DDC: variants seen among roughly 807,000 people sequenced by gnomAD.
DDC encodes dopa decarboxylase, also known as aromatic-L-amino-acid decarboxylase.
DDC carries 43 observed loss-of-function variants against 60.0 expected under a neutral mutation model. The ratio of observed to expected loss-of-function variants is 0.72; its 90% confidence interval spans 0.56 to 0.92. DDC has a LOEUF of 0.92. Ranked by LOEUF, DDC falls within the 40% of genes least tolerant of loss-of-function variation. The probability of loss-of-function intolerance (pLI) is 0.00; values close to 1 mark genes in which losing one functional copy is unlikely to be tolerated. For missense variants in DDC, 573 were observed against 620.2 expected (o/e 0.92, Z 0.81); for synonymous variants, 232 against 234.6 (o/e 0.99, Z 0.10).
intron 11 of DDC, among the ~76,000 whole-genome samples, chr7:50,474,692 T>G (rs1443393143): frequency 6.6e-6 from 1 of 152,220 alleles, no homozygotes; most frequent in Non-Finnish European, 1.5e-5. Context: ...TGAAAGACAG[T>G]GCCAAGTTTA....
chr7:50,460,185 G>A (rs1470597162), intron 14 of DDC, among the ~76,000 whole-genome samples: 2 of 143,294 alleles, frequency 1.4e-5, no homozygotes, highest in Non-Finnish European at 3.1e-5. Context: ...GGAAGGAGGT[G>A]GGGGGGTCAG....
chr7:50,465,949 T>G (rs1464499628), intron 13 of DDC, among the ~76,000 whole-genome samples: 2 of 152,190 alleles, frequency 1.3e-5, no homozygotes, highest in African/African-American at 4.8e-5. Context: ...CTTTGTGCTC[T>G]TCCAAGGGCT....
intron 1 of DDC, among the ~76,000 whole-genome samples, chr7:50,553,823 A>C (rs560525495): frequency 6.6e-6 from 1 of 152,172 alleles, no homozygotes; most frequent in Non-Finnish European, 1.5e-5. Context: ...TGTGGGTTCA[A>C]AGACCATAAA....
intron 1 of DDC, among the ~76,000 whole-genome samples, chr7:50,546,738 T>A (rs1482010414): frequency 6.6e-6 from 1 of 152,260 alleles, no homozygotes; most frequent in Admixed American, 6.5e-5. Flanking sequence ...AGCCCCCATG[T>A]TAAAGCTATT....
chr7:50,478,691 A>C (rs1033475840), intron 10 of DDC, among the ~76,000 whole-genome samples: 4 of 152,220 alleles, frequency 2.6e-5, no homozygotes, highest in Non-Finnish European at 4.4e-5. Context: ...TTCCTCTGAC[A>C]ATGGTTTTAC....
chr7:50,464,119 GACTCCAT>G (rs1213369922), intron 13 of DDC, among the ~76,000 whole-genome samples: 1 of 151,868 alleles, frequency 6.6e-6, no homozygotes, highest in African/African-American at 2.4e-5. Flanking sequence ...TGCAGGCAGT[GACTCCAT>G]GTCTTCTAAG....
At chr7:50,483,238 C>T (rs1283022730) in intron 9 of DDC, among the ~76,000 whole-genome samples, 2 of 152,124 alleles carry the variant, frequency 1.3e-5, no homozygotes, top group East Asian at 3.8e-4. Context: ...TTATCTAATG[C>T]TTTTTCTGCA....
intron 9 of DDC, among the ~76,000 whole-genome samples, chr7:50,491,273 T>C (rs1382026737): frequency 1.3e-5 from 2 of 152,216 alleles, no homozygotes; most frequent in Non-Finnish European, 2.9e-5. Flanking sequence ...TAATACGGTT[T>C]ATGTCAGTTT....
chr7:50,542,741 T>C (rs1046004813), intron 2 of DDC: 2 of 152,278 alleles, frequency 1.3e-5, no homozygotes, highest in Non-Finnish European at 2.9e-5. Flanking sequence ...ACTTGCACAA[T>C]TTCTAGAAGA....
intron 10 of DDC, among the ~76,000 whole-genome samples, chr7:50,478,027 C>T (rs182309681): frequency 1.4e-5 from 2 of 139,948 alleles, no homozygotes; most frequent in South Asian, 2.4e-4. Flanking sequence ...CATGGTGAAA[C>T]CCCGTCTCTA....
rs542137064 is a variant in DDC at position 50,549,183 on chromosome 7, C to T, written c.-28-5070G>A. ...AAGGAAATTAATGTTTTCATTCCTG[C>T]TAACTCGACATCCATTCTACAGTCC... On this transcript the variant is annotated intron_variant, in intron 1 of 14. Coordinates refer to ENST00000444124, the MANE Select transcript of DDC (RefSeq NM_001082971.2). 2.0e-5 allele frequency among the ~76,000 whole-genome samples: 3 copies of T among 152,304 alleles called. No individual in the cohort carries two copies. In the East Asian group the frequency reaches 5.8e-4, roughly 29 times the overall value.
rs751278597 is a variant in DDC, at chr7:50,460,911, G to GCGGAAGGC, written c.*19-2076_*19-2069dup. Among the ~76,000 whole-genome samples the GCGGAAGGC allele has an allele frequency of 1.0e-3, 152 of 151,650 alleles. 1 individual carries two copies. The highest frequency in any genetic ancestry group is 1.8e-3 in the Non-Finnish European group (120 of 67,816). On this transcript the variant is annotated intron_variant, in intron 14 of 14. Transcript: ENST00000444124. ...TCAAGTACCCAGGGACACAAACACT[G>GCGGAAGGC]CGGAAGGCCGCAGGGTCCTCTGCAT...
At chr7:50,510,257 G>C (rs774999448) in intron 6 of DDC, among the ~76,000 whole-genome samples, 1 of 152,058 alleles carries the variant, frequency 6.6e-6, no homozygotes, top group African/African-American at 2.4e-5. Flanking sequence ...TTACAGGTGT[G>C]AGCCACCGCA....
At chr7:50,524,069 C>T (rs2043972614) in intron 6 of DDC, among the ~76,000 whole-genome samples, 1 of 152,146 alleles carries the variant, frequency 6.6e-6, no homozygotes, top group Non-Finnish European at 1.5e-5. Context: ...GAAAAGGCTA[C>T]ATATTGTATG....
rs112324638 is a variant in DDC at position 50,555,687 on chromosome 7, T to C, written c.-29+9598A>G. ...GAACTTACATGTGCCAAGAACCACG[T>C]TAAGCTCTTTGCCTGGTTCTCGTAT... is the stretch of plus-strand genomic sequence containing the variant. On this transcript the variant is annotated intron_variant, in intron 1 of 14. Coordinates refer to ENST00000444124, the MANE Select transcript of DDC (RefSeq NM_001082971.2). Among the ~76,000 whole-genome samples, 270 of 152,314 alleles carry C rather than the reference T, an allele frequency of 1.8e-3. 3 individuals carry two copies. The highest frequency in any genetic ancestry group is 6.2e-3 in the African/African-American group (256 of 41,562).
chr7:50,564,787 T>C (rs1166344038), intron 1 of DDC, among the ~76,000 whole-genome samples: 1 of 152,196 alleles, frequency 6.6e-6, no homozygotes, highest in African/African-American at 2.4e-5. Context: ...CTAAGTAAAC[T>C]ATAACATACA....
intron 8 of DDC, among the ~76,000 whole-genome samples, chr7:50,498,454 G>A (rs2043172912): frequency 6.6e-6 from 1 of 152,222 alleles, no homozygotes; most frequent in Non-Finnish European, 1.5e-5. Flanking sequence ...AGTTCTTGGG[G>A]AGAAGAGACT....
chr7:50,557,566 T>G (rs1450594626), intron 1 of DDC, among the ~76,000 whole-genome samples: 1 of 152,204 alleles, frequency 6.6e-6, no homozygotes, highest in African/African-American at 2.4e-5. Context: ...AATTACAAGG[T>G]GCAGAATTTC....
intron 6 of DDC, among the ~76,000 whole-genome samples, chr7:50,520,824 G>A (rs1203242569): frequency 6.6e-6 from 1 of 152,080 alleles, no homozygotes; most frequent in Admixed American, 6.5e-5. Flanking sequence ...TGAGGCAGGA[G>A]AATTGCTTGA....
Sources: gnomAD v4.1 joint callset for allele counts (sites outside exome capture counted in the v4.1 genomes callset) on GRCh38, gnomAD v4.1.1 for gene constraint, MANE v1.5 for transcripts, NCBI Gene and HGNC (gene_info 2026-07-23, HGNC 2026-07-21) for gene names.